Variants in ROBO2 observed in about 807,000 individuals in gnomAD.
The protein encoded by ROBO2 is roundabout guidance receptor 2, also known as roundabout homolog 2.
In ROBO2, 53 loss-of-function variants were observed where a neutral mutation model predicts 160.8. That is an observed-to-expected ratio of 0.33 (90% CI 0.26 to 0.41). The LOEUF is 0.41. Among genes scored for constraint, ROBO2 ranks in the 10% least tolerant of loss-of-function variants. The pLI is 1.00. For synonymous variants in ROBO2, 664 were observed against 611.7 expected, an observed-to-expected ratio of 1.09 and a Z score of -1.26; for missense variants, 1,577 against 1,722.4, an observed-to-expected ratio of 0.92 and a Z score of 1.49.
chr3:77,471,718 A>G (rs1325284864), intron 2 of ROBO2, among the ~76,000 whole-genome samples: 2 of 152,226 alleles, frequency 1.3e-5, no homozygotes, highest in Non-Finnish European at 2.9e-5. Context: ...CACACAAAAT[A>G]TGAGACTGAA....
At chr3:76,613,711 T>C (rs1422564627) in intron 2 of ROBO2, among the ~76,000 whole-genome samples, 1 of 152,076 alleles carries the variant, frequency 6.6e-6, no homozygotes, top group Non-Finnish European at 1.5e-5. Flanking sequence ...AAGTGACTAA[T>C]TTATGCCACC....
intron 2 of ROBO2, among the ~76,000 whole-genome samples, chr3:76,213,508 ATAAAAT>A (rs1275925571): frequency 1.3e-5 from 2 of 152,170 alleles, no homozygotes; most frequent in Admixed American, 1.3e-4. Context: ...ATTCAATGAA[ATAAAAT>A]TCAAAAAGGT....
chr3:77,024,758 C>T (rs2149522018), intron 2 of ROBO2, among the ~76,000 whole-genome samples: 1 of 152,270 alleles, frequency 6.6e-6, no homozygotes, highest in East Asian at 1.9e-4. Flanking sequence ...TCACATGAAT[C>T]TCAGTATGAC....
chr3:76,893,103 T>C (rs1029126255), intron 2 of ROBO2, among the ~76,000 whole-genome samples: 1 of 152,166 alleles, frequency 6.6e-6, no homozygotes, highest in East Asian at 1.9e-4. Flanking sequence ...TTTTTATCAA[T>C]TAATTAAAAA....
intron 5 of ROBO2, among the ~76,000 whole-genome samples, chr3:77,504,676 T>A (rs1270780386): frequency 6.6e-6 from 1 of 152,212 alleles, no homozygotes; most frequent in East Asian, 1.9e-4. Flanking sequence ...AGTCAAATAT[T>A]ATATATCAAG....
intron 2 of ROBO2, among the ~76,000 whole-genome samples, chr3:76,550,004 T>G (rs1182621659): frequency 6.6e-6 from 1 of 152,234 alleles, no homozygotes; most frequent in Admixed American, 6.5e-5. Flanking sequence ...TAACTGAATT[T>G]TTTAAATGTT....
intron 2 of ROBO2, among the ~76,000 whole-genome samples, chr3:77,433,486 GTATATATATATA>G (rs57475227): frequency 2.0e-4 from 20 of 99,402 alleles, no homozygotes; most frequent in African/African-American, 2.5e-4. Context: ...CTGGCAACTT[GTATATATATATA>G]TATATATATA....
chr3:76,188,968 A>T (rs1235236272), intron 2 of ROBO2, among the ~76,000 whole-genome samples: 2 of 152,158 alleles, frequency 1.3e-5, no homozygotes, highest in African/African-American at 4.8e-5. Context: ...AAGCAAAAAA[A>T]GGTTATTGTA....
rs116607172 is a variant in ROBO2 at position 76,433,103 on chromosome 3, A to G, written c.109+495501A>G. ...ATTAGTAAAATAGCTGCAATCTGCT[A>G]GTTTTCTCATATATCTGCAGTTAAT... On this transcript the variant is annotated intron_variant, in intron 2 of 26. Transcript: ENST00000487694. Among the ~76,000 whole-genome samples the G allele has an allele frequency of 3.0e-3, 456 of 152,312 alleles. 1 individual carries two copies. The highest frequency in any genetic ancestry group is 5.3e-3 in the Non-Finnish European group (360 of 68,024).
rs77635074 is a variant in ROBO2 at position 77,173,194 on chromosome 3, T to C, written c.388+74854T>C. On this transcript the variant is annotated intron_variant, in intron 2 of 25. Coordinates refer to ENST00000461745, the Ensembl canonical transcript of ROBO2. ...CTATTTAGAAAAAGGTGTGGGTAGA[T>C]TTTAATAATAGATAGCAATTAAGTT... Among the ~76,000 whole-genome samples, 5 of 152,160 alleles carry C rather than the reference T, an allele frequency of 3.3e-5. No homozygotes were observed. In the East Asian group the frequency reaches 9.6e-4, roughly 29 times the overall value.
At chr3:76,371,455 A>G (rs903399484) in intron 2 of ROBO2, among the ~76,000 whole-genome samples, 3 of 149,906 alleles carry the variant, frequency 2.0e-5, no homozygotes, top group African/African-American at 7.3e-5. Context: ...AATGTTTACT[A>G]TAGTATTTGC....
intron 24 of ROBO2, among the ~76,000 whole-genome samples, chr3:77,640,180 C>T (rs1211937530): frequency 7.4e-6 from 1 of 135,972 alleles, no homozygotes. Context: ...GGGGCGATCT[C>T]GGCTCACTGC....
chr3:75,944,407 C>G (rs540287235), intron 2 of ROBO2, among the ~76,000 whole-genome samples: 55 of 152,270 alleles, frequency 3.6e-4, no homozygotes, highest in Middle Eastern at 6.8e-3. Flanking sequence ...ACATCTACCT[C>G]AGCCTAAAGA....
chr3:75,933,478 A>G (rs1044653914), intron 1 of ROBO2, among the ~76,000 whole-genome samples: 22 of 152,140 alleles, frequency 1.4e-4, no homozygotes, highest in African/African-American at 4.8e-4. Flanking sequence ...GACTATTGCC[A>G]ACAGCAATAC....
intron 2 of ROBO2, among the ~76,000 whole-genome samples, chr3:77,384,448 G>C (rs1425437825): frequency 1.3e-5 from 2 of 152,050 alleles, no homozygotes; most frequent in African/African-American, 4.8e-5. Context: ...TCCAGGAGTA[G>C]AAAGTATTCC....
At chr3:76,610,841 T>C (rs943578673) in intron 2 of ROBO2, among the ~76,000 whole-genome samples, 2 of 152,210 alleles carry the variant, frequency 1.3e-5, no homozygotes, top group African/African-American at 2.4e-5. Context: ...GTTACAGCTC[T>C]TTTACTCTCA....
chr3:76,650,345 C>G (rs376201892), intron 2 of ROBO2, among the ~76,000 whole-genome samples: 34 of 152,230 alleles, frequency 2.2e-4, no homozygotes, highest in African/African-American at 7.7e-4. Flanking sequence ...CGTTCTTTCC[C>G]TTCCTTTCCC....
chr3:76,076,413 C>T (rs1418510717), intron 2 of ROBO2, among the ~76,000 whole-genome samples: 1 of 152,122 alleles, frequency 6.6e-6, no homozygotes. Context: ...TTGGCTATGG[C>T]TGGCATTTTA....
At chr3:76,856,053 T>C (rs1418364557) in intron 2 of ROBO2, among the ~76,000 whole-genome samples, 1 of 152,218 alleles carries the variant, frequency 6.6e-6, no homozygotes, top group Non-Finnish European at 1.5e-5. Context: ...CAGGTCTCTG[T>C]TGGCTGTTGG....
Sources: allele counts gnomAD v4.1 joint callset (sites outside exome capture counted in the v4.1 genomes callset), GRCh38; gene constraint gnomAD v4.1.1; transcripts MANE v1.5; gene names NCBI Gene and HGNC (gene_info 2026-07-23, HGNC 2026-07-21).